ABCC9: variants seen among roughly 807,000 people sequenced by gnomAD.
ABCC9 encodes the protein ATP-binding cassette sub-family C member 9.
Under a neutral mutation model 188.3 loss-of-function variants are expected in ABCC9, and 95 were observed. The observed-to-expected ratio is 0.50, with a 90% CI of 0.43 to 0.60. The LOEUF (loss-of-function observed/expected upper bound fraction) is 0.60, where lower values mean the gene tolerates loss of function less well. ABCC9 is among the 20% of genes least tolerant of loss of function. The pLI, the probability that ABCC9 is intolerant of heterozygous loss-of-function variation, is 0.00. For missense variants in ABCC9, 1,102 were observed against 1,876.3 expected, an observed-to-expected ratio of 0.59 and a Z score of 7.62; for synonymous variants, 659 against 652.7, an observed-to-expected ratio of 1.01 and a Z score of -0.15.
intron 16 of ABCC9, among the ~76,000 whole-genome samples, chr12:21,881,110 A>G (rs1048166912): frequency 4.6e-5 from 7 of 152,110 alleles, no homozygotes; most frequent in African/African-American, 1.7e-4. Flanking sequence ...AAGCAAGCAT[A>G]GCAAGAATAA....
In ABCC9 at chr12:21,799,087, G is replaced by T. The variant is rs1466147664; in HGVS notation, c.*1957C>A. 1 of 145,460 alleles carries T rather than the reference G, an allele frequency of 6.9e-6. No homozygotes were observed. Among genetic ancestry groups the T allele is most frequent in the African/African-American group, 2.5e-5 (1 of 39,244 alleles). The allele number at this position is 145,460 out of a possible 1,614,324, so 9.0% of individuals were successfully genotyped here. A position where few individuals can be genotyped will look rare whatever the true frequency, so the allele number is the denominator to read the frequency against. On this transcript the variant is annotated 3_prime_UTR_variant, in exon 40 of 40. Coordinates refer to ENST00000261200, the MANE Select transcript of ABCC9 (RefSeq NM_020297.4). Reference sequence around the variant, plus strand: ...ACAGGAAGGGGAATATCACACTCTGGGGACTGTGGTGGGGTGGGGGGAGTG... The same window carrying T: ...ACAGGAAGGGGAATATCACACTCTGTGGACTGTGGTGGGGTGGGGGGAGTG...
At chr12:21,905,569 A>G (rs541803608) in intron 12 of ABCC9, among the ~76,000 whole-genome samples, 1 of 152,222 alleles carries the variant, frequency 6.6e-6, no homozygotes, top group East Asian at 1.9e-4. Flanking sequence ...GATTGATGCA[A>G]AATAATAATA....
intron 15 of ABCC9, among the ~76,000 whole-genome samples, chr12:21,885,907 T>A (rs886323752): frequency 6.6e-6 from 1 of 152,164 alleles, no homozygotes; most frequent in African/African-American, 2.4e-5. Flanking sequence ...ATAGATTGAT[T>A]TCCTGGGAAA....
chr12:21,869,945 G>A (rs1447687216), intron 18 of ABCC9, among the ~76,000 whole-genome samples: 2 of 152,114 alleles, frequency 1.3e-5, no homozygotes, highest in East Asian at 1.9e-4. Context: ...TCCAACTGAT[G>A]TACAATTTAT....
chr12:21,882,681 A>G (rs4148663), intron 16 of ABCC9, 85 bp downstream of exon 16: 3 of 1,239,510 alleles, frequency 2.4e-6, no homozygotes, highest in Non-Finnish European at 3.6e-6. Flanking sequence ...TAAAGGCACA[A>G]TTTGGGACAC....
At chr12:21,816,662 G>C (rs939252253) in intron 33 of ABCC9, among the ~76,000 whole-genome samples, 1 of 152,158 alleles carries the variant, frequency 6.6e-6, no homozygotes, top group African/African-American at 2.4e-5. Flanking sequence ...GCTAATGAAG[G>C]GGCTCATGGT....
chr12:21,845,874 G>A lies in ABCC9; in HGVS notation c.2867-42C>T, dbSNP rs568495380. On this transcript the variant is annotated intron_variant, in intron 25 of 39. Coordinates refer to ENST00000261200, the MANE Select transcript of ABCC9 (RefSeq NM_020297.4). The stretch of plus-strand genomic sequence containing the variant: ...TTTGTTTAAGCTTCAGATGGGCACC[G>A]GCTAGATATAATTTTTATTGCTCCA... 2.1e-5 allele frequency: 29 copies of A among 1,396,426 alleles called. No homozygotes were observed. In the South Asian group the frequency reaches 2.2e-4, roughly 11 times the overall value. 86.5% of individuals were successfully genotyped at this position (1,396,426 alleles called of 1,614,324 possible). A position where few individuals can be genotyped will look rare whatever the true frequency, so the allele number is the denominator to read the frequency against.
At chr12:21,835,153 A>G (rs73070702) in intron 30 of ABCC9, among the ~76,000 whole-genome samples, 7,796 of 152,182 alleles carry the variant, frequency 0.051, 323 homozygotes, top group South Asian at 0.11. Flanking sequence ...GTCTGTCCAA[A>G]TTAGGAGGGC....
chr12:21,896,079 C>CTTTTTTTTTTTTTTTTTTTTAT (rs5796933), intron 12 of ABCC9, among the ~76,000 whole-genome samples: 1 of 128,048 alleles, frequency 7.8e-6, no homozygotes, highest in South Asian at 2.4e-4. Flanking sequence ...ATCTAATTTT[C>CTTTTTTTTTTTTTTTTTTTTAT]TTTTTTTTTT....
chr12:21,910,812 C>T lies in ABCC9; in HGVS notation c.1164+14G>A. 6.2e-7 allele frequency: 1 copy of T among 1,602,162 alleles called. No individual in the cohort carries two copies. The highest frequency in any genetic ancestry group is 2.2e-5 in the East Asian group (1 of 44,758). On this transcript the variant is annotated intron_variant, in intron 9 of 39. Transcript: ENST00000261200. Reference sequence around the variant, plus strand: ...ATTCTTAGGAAACAAATAGTATTCACAGCCTTTACATACCAGCAGAGCTCC... The same window carrying T: ...ATTCTTAGGAAACAAATAGTATTCATAGCCTTTACATACCAGCAGAGCTCC...
chr12:21,909,813 T>A (rs1344848619), intron 10 of ABCC9, among the ~76,000 whole-genome samples: 1 of 151,936 alleles, frequency 6.6e-6, no homozygotes, highest in Non-Finnish European at 1.5e-5. Flanking sequence ...CTATGCTAGA[T>A]GTTATAGACA....
At chr12:21,914,665 T>C (rs927376351) in intron 7 of ABCC9, among the ~76,000 whole-genome samples, 2 of 152,180 alleles carry the variant, frequency 1.3e-5, no homozygotes, top group Non-Finnish European at 2.9e-5. Flanking sequence ...GGTAATGGAT[T>C]AGTTATACAT....
intron 3 of ABCC9, among the ~76,000 whole-genome samples, chr12:21,935,440 T>C (rs918350708): frequency 6.6e-6 from 1 of 152,144 alleles, no homozygotes; most frequent in African/African-American, 2.4e-5. Context: ...CCCCTTAGAA[T>C]AATGCCAAGC....
chr12:21,810,549 A>G (rs1445741537), intron 36 of ABCC9, among the ~76,000 whole-genome samples: 1 of 152,160 alleles, frequency 6.6e-6, no homozygotes, highest in Non-Finnish European at 1.5e-5. Context: ...AGAGAGAAGT[A>G]TTAAGCAAAG....
At chr12:21,872,995 C>T (rs951469144) in intron 17 of ABCC9, among the ~76,000 whole-genome samples, 8 of 151,516 alleles carry the variant, frequency 5.3e-5, no homozygotes, top group African/African-American at 1.5e-4. Context: ...CCTAGATTAT[C>T]GAGATTAGTT....
At chr12:21,877,500 A>C (rs1946423177) in intron 16 of ABCC9, among the ~76,000 whole-genome samples, 1 of 152,170 alleles carries the variant, frequency 6.6e-6, no homozygotes, top group African/African-American at 2.4e-5. Context: ...ATTATGGTTA[A>C]ATGACAAATG....
intron 8 of ABCC9, among the ~76,000 whole-genome samples, chr12:21,911,631 C>A (rs1948327483): frequency 6.6e-6 from 1 of 151,912 alleles, no homozygotes; most frequent in African/African-American, 2.4e-5. Flanking sequence ...GGAAAGATAA[C>A]ATTTGACTAA....
chr12:21,806,254 T>G (rs1941835530), intron 38 of ABCC9, among the ~76,000 whole-genome samples, 194 bp from the exon 39 acceptor site: 1 of 152,058 alleles, frequency 6.6e-6, no homozygotes, highest in Non-Finnish European at 1.5e-5. Flanking sequence ...AAAACACAAA[T>G]GAAAGTCAGT....
At chr12:21,905,482 G>T (rs1947997149) in intron 12 of ABCC9, among the ~76,000 whole-genome samples, 1 of 151,680 alleles carries the variant, frequency 6.6e-6, no homozygotes, top group Non-Finnish European at 1.5e-5. Flanking sequence ...ACTATATTTT[G>T]TAAATGGAAA....
Sources: gnomAD v4.1 joint callset for allele counts (sites outside exome capture counted in the v4.1 genomes callset) on GRCh38, gnomAD v4.1.1 for gene constraint, MANE v1.5 for transcripts, NCBI Gene and HGNC (gene_info 2026-07-23, HGNC 2026-07-21) for gene names.